SCHIP1: variants seen among roughly 807,000 people sequenced by gnomAD.
SCHIP1 encodes the protein schwannomin-interacting protein 1.
SCHIP1 carries 8 observed loss-of-function variants against 29.7 expected under a neutral mutation model. The ratio of observed to expected loss-of-function variants is 0.27; its 90% CI spans 0.16 to 0.49. The LOEUF (loss-of-function observed/expected upper bound fraction) is 0.49, where lower values mean the gene tolerates loss of function less well. SCHIP1 is among the 20% of genes least tolerant of loss of function. The pLI is 0.99. For synonymous variants in SCHIP1, 76 were observed against 94.9 expected (o/e 0.80, Z 1.16); for missense variants, 193 against 294.6 (o/e 0.66, Z 2.52).
the SCHIP1 span, among the ~76,000 whole-genome samples, chr3:159,280,073 T>G: frequency 4.6e-5 from 7 of 152,176 alleles, no homozygotes; most frequent in Non-Finnish European, 8.8e-5. Context: ...TGGTGCTTAC[T>G]GTAATATGCA....
the SCHIP1 span, among the ~76,000 whole-genome samples, chr3:159,356,159 GTAAC>G: frequency 6.6e-6 from 1 of 151,812 alleles, no homozygotes; most frequent in Non-Finnish European, 1.5e-5. Context: ...GTATACATAT[GTAAC>G]TAACCTGCAC....
chr3:159,288,053 A>G, the SCHIP1 span, among the ~76,000 whole-genome samples: 1 of 152,316 alleles, frequency 6.6e-6, no homozygotes, highest in Non-Finnish European at 1.5e-5. Context: ...TAGAGGTGGC[A>G]TATGGTGTCC....
chr3:159,819,634 A>G, the SCHIP1 span, among the ~76,000 whole-genome samples: 6 of 152,152 alleles, frequency 3.9e-5, no homozygotes, highest in Admixed American at 3.3e-4. Context: ...CCTTCCCTAA[A>G]CTGCTTCATA....
chr3:159,680,338 G>A, the SCHIP1 span, among the ~76,000 whole-genome samples: 1 of 150,358 alleles, frequency 6.7e-6, no homozygotes, highest in African/African-American at 2.4e-5. Flanking sequence ...GTGAAACCTC[G>A]TCTCTACTAA....
At chr3:159,277,968 T>C in the SCHIP1 span, among the ~76,000 whole-genome samples, 2 of 151,168 alleles carry the variant, frequency 1.3e-5, no homozygotes, top group African/African-American at 4.9e-5. Flanking sequence ...GAATAAAGCA[T>C]TGAGCTTCTC....
At chr3:159,743,992 A>G in the SCHIP1 span, among the ~76,000 whole-genome samples, 1 of 152,210 alleles carries the variant, frequency 6.6e-6, no homozygotes, top group African/African-American at 2.4e-5. Flanking sequence ...AAATTTTTAA[A>G]CAGTATATAT....
the SCHIP1 span, among the ~76,000 whole-genome samples, chr3:159,393,410 A>T: frequency 0.14 from 20,887 of 151,574 alleles, 1,660 homozygotes; most frequent in African/African-American, 0.2. Context: ...CTGAATGGTA[A>T]TGCCTAGGTT....
At chr3:159,729,950 C>T in the SCHIP1 span, among the ~76,000 whole-genome samples, 1 of 152,208 alleles carries the variant, frequency 6.6e-6, no homozygotes, top group Non-Finnish European at 1.5e-5. Flanking sequence ...AGGAGATCTG[C>T]AGGCCTGGAT....
At chr3:159,276,421 G>A in the SCHIP1 span, among the ~76,000 whole-genome samples, 1 of 152,142 alleles carries the variant, frequency 6.6e-6, no homozygotes, top group Admixed American at 6.5e-5. Context: ...GGGCACAGTG[G>A]ACATTAGAGG....
At chr3:159,764,321 G>T in the SCHIP1 span, 1 of 1,232,348 alleles carries the variant, frequency 8.1e-7, no homozygotes, top group Admixed American at 3.1e-5. The surrounding 1 kb of genome is among the most constrained non-coding windows in gnomAD (Gnocchi z 6.1). Flanking sequence ...GCCTCCTTGG[G>T]GGACGCACCT....
chr3:159,275,244 T>C, the SCHIP1 span: 1 of 267,002 alleles, frequency 3.7e-6, no homozygotes. Flanking sequence ...TTTTTTAAGT[T>C]TCATTTCCCA....
At chr3:159,380,733 A>T in the SCHIP1 span, among the ~76,000 whole-genome samples, 3 of 152,278 alleles carry the variant, frequency 2.0e-5, no homozygotes, top group African/African-American at 7.2e-5. Context: ...AGGGTTACAG[A>T]TGAAGAAAAA....
At chr3:159,345,554 T>C in the SCHIP1 span, among the ~76,000 whole-genome samples, 4,379 of 93,418 alleles carry the variant, frequency 0.047, 194 homozygotes, top group African/African-American at 0.15. Context: ...GTGTCTCTCT[T>C]TCTCTCTCTC....
At chr3:159,541,368 C>G in the SCHIP1 span, among the ~76,000 whole-genome samples, 1 of 151,982 alleles carries the variant, frequency 6.6e-6, no homozygotes, top group African/African-American at 2.4e-5. Flanking sequence ...AAAAAGGGAG[C>G]TTTTTATGGG....
the SCHIP1 span, chr3:159,764,508 C>G: frequency 6.3e-7 from 1 of 1,586,864 alleles, no homozygotes; most frequent in Non-Finnish European, 8.6e-7. This position sits in a 1 kb window ranked among gnomAD's most constrained non-coding sequence, Gnocchi z 6.1. Flanking sequence ...GCAGCCGCGC[C>G]AGTTCACAGT....
the SCHIP1 span, among the ~76,000 whole-genome samples, chr3:159,281,494 A>G: frequency 6.6e-6 from 1 of 152,210 alleles, no homozygotes; most frequent in South Asian, 2.1e-4. Flanking sequence ...TAAAAAGTAT[A>G]GTTTTGAATG....
the SCHIP1 span, among the ~76,000 whole-genome samples, chr3:159,585,005 C>A: frequency 6.6e-6 from 1 of 152,034 alleles, no homozygotes; most frequent in African/African-American, 2.4e-5. Context: ...TTCTTTATAT[C>A]CTTGCTCAAA....
the SCHIP1 span, among the ~76,000 whole-genome samples, chr3:159,402,399 A>C: frequency 1.3e-5 from 2 of 152,240 alleles, no homozygotes; most frequent in Admixed American, 6.5e-5. Context: ...TAGAACTAGA[A>C]ATATCATTTG....
At chr3:159,296,221 A>T in the SCHIP1 span, among the ~76,000 whole-genome samples, 882 of 152,262 alleles carry the variant, frequency 5.8e-3, 6 homozygotes, top group African/African-American at 0.02. Flanking sequence ...AACATAAAAA[A>T]TAGATTTAAG....
Sources: allele counts gnomAD v4.1 joint callset (sites outside exome capture counted in the v4.1 genomes callset), GRCh38; gene constraint gnomAD v4.1.1; non-coding constraint Gnocchi (gnomAD v3.1); transcripts MANE v1.5; gene names NCBI Gene and HGNC (gene_info 2026-07-23, HGNC 2026-07-21).